The following BMS1 variants were observed in gnomAD, a reference collection of about 807,000 sequenced individuals.
BMS1 encodes the protein BMS1 ribosome biogenesis factor.
Under a neutral mutation model 138.7 loss-of-function variants are expected in BMS1, and 53 were observed. The ratio of observed to expected loss-of-function variants is 0.38; its 90% CI spans 0.31 to 0.48. The LOEUF (loss-of-function observed/expected upper bound fraction) is 0.48, where lower values mean the gene tolerates loss of function less well. Ranked by LOEUF, BMS1 falls within the 20% of genes least tolerant of loss-of-function variation. BMS1 has a pLI of 0.97. For synonymous variants in BMS1, 504 were observed against 539.9 expected, an observed-to-expected ratio of 0.93 and a Z score of 0.92; for missense variants, 1,360 against 1,565.5, an observed-to-expected ratio of 0.87 and a Z score of 2.22.
Position 42,793,016 on chromosome 10 carries a change from G to C in BMS1, c.961G>C (p.Glu321Gln). 6.2e-7 allele frequency: 1 copy of C among 1,613,700 alleles called. No homozygotes were observed. Among genetic ancestry groups the C allele is most frequent in the Non-Finnish European group, 8.5e-7 (1 of 1,179,952 alleles). The change falls in exon 8 of 23, where the codon GAA (glutamate) becomes CAA (glutamine). Residue 321 changes from glutamate to glutamine, a missense_variant. Around this residue, in one of 3 missense-constraint regions of BMS1, gnomAD observed 697 missense variants for 686.2 expected, o/e 1.02. Coordinates refer to ENST00000374518, the MANE Select transcript of BMS1 (RefSeq NM_014753.4). ...SFLPDPCALP[E>Q]QQKKRCLNEK... ...CCTCCCAGACCCTTGCGCTCTTCCT[G>C]AACAACAAAAGAAGCGCTGTTTAAA...
chr10:42,829,259 C>T (rs1409512398), intron 21 of BMS1, among the ~76,000 whole-genome samples: 1 of 151,662 alleles, frequency 6.6e-6, no homozygotes, highest in Non-Finnish European at 1.5e-5. Context: ...TGCAGTGAGC[C>T]GAGATCATGC....
Position 42,796,806 on chromosome 10 carries a change from C to T in BMS1, c.1562C>T (p.Ala521Val). ...GCGGAAGAAGGGGAAGCGGAGGAAG[C>T]TGATGAAAGCAGTGAAGAAGAGGAC... ...SSAEEGEAEE[A>V]DESSEEEDCT... Residue 521 changes from alanine (A) to valine (V), a missense_variant, in exon 10 of 23, where the codon GCT becomes GTT. Coordinates refer to ENST00000374518, the MANE Select transcript of BMS1 (RefSeq NM_014753.4). The T allele has an allele frequency of 6.2e-7, 1 of 1,614,130 alleles. No homozygotes were observed. Among genetic ancestry groups the T allele is most frequent in the African/African-American group, 1.3e-5 (1 of 75,022 alleles).
At chr10:42,811,049 A>G (rs1247770553) in intron 13 of BMS1, among the ~76,000 whole-genome samples, 1 of 149,664 alleles carries the variant, frequency 6.7e-6, no homozygotes, top group African/African-American at 2.5e-5. Flanking sequence ...TATTATTATT[A>G]TTTTTTTTTT....
rs764487805 is a variant in BMS1, at chr10:42,820,531, G to A, written c.2793G>A (p.Trp931Ter). 1 of 1,610,076 alleles carries A rather than the reference G, an allele frequency of 6.2e-7. No homozygotes were observed. The change falls in exon 17 of 23, where the codon TGG becomes TGA. Residue 931 changes from tryptophan (W) to a stop codon, truncating the protein, a stop_gained. Transcript: ENST00000374518. LOFTEE classifies it high-confidence loss of function. ...YVQMRLKKHRWYKKILKSRDP... is the reference protein window; with the variant it reads ...YVQMRLKKHR Reference sequence around the variant, plus strand: ...AGATGCGTCTGAAGAAACATCGCTGGTATAAGAAAATCCTCAAGTCCCGAG... The same window carrying A: ...AGATGCGTCTGAAGAAACATCGCTGATATAAGAAAATCCTCAAGTCCCGAG...
chr10:42,827,785 A>G (rs112882217), intron 21 of BMS1, among the ~76,000 whole-genome samples: 4 of 152,090 alleles, frequency 2.6e-5, no homozygotes, highest in South Asian at 2.1e-4. Context: ...TCATCAAAAT[A>G]TAGTTGTTTG....
At position 42,831,237 on chromosome 10, in the gene BMS1, A is replaced by G; in HGVS notation, c.*141A>G. The stretch of plus-strand genomic sequence containing the variant: ...CTCAAACTGTGCCTGCAGGAGGAGG[A>G]ACAGAGAAGCCTGGGCTGCTGGGAC... On this transcript the variant is annotated 3_prime_UTR_variant, in exon 23 of 23. Coordinates refer to ENST00000374518, the MANE Select transcript of BMS1 (RefSeq NM_014753.4). 1.1e-6 allele frequency: 1 copy of G among 903,090 alleles called. No individual in the cohort carries two copies. The highest frequency in any genetic ancestry group is 1.7e-6 in the Non-Finnish European group (1 of 602,362). The allele number at this position is 903,090 out of a possible 1,614,324, so 55.9% of individuals were successfully genotyped here.
Position 42,831,008 on chromosome 10 carries a change from T to C in BMS1, c.3761T>C (p.Leu1254Pro). 6.2e-7 allele frequency: 1 copy of C among 1,601,088 alleles called. No homozygotes were observed. Among genetic ancestry groups the C allele is most frequent in the Non-Finnish European group, 8.5e-7 (1 of 1,173,154 alleles). The change falls in exon 23 of 23, where the codon CTC (leucine) becomes CCC (proline). Residue 1254 changes from leucine to proline, a missense_variant. By Grantham distance (98) the Leu-to-Pro change is moderately conservative. This residue lies in a region of BMS1 where 425 missense variants were observed against 568.3 expected (regional missense o/e 0.75). Transcript: ENST00000374518. Reference protein sequence around the residue: ...EEEKLKRQKDLRKKLFRIQGQ... With the variant: ...EEEKLKRQKDPRKKLFRIQGQ... Reference sequence around the variant, plus strand: ...GAGAAGCTGAAGCGGCAGAAGGACCTCAGGAAGAAGCTCTTCAGAATTCAG... The same window carrying C: ...GAGAAGCTGAAGCGGCAGAAGGACCCCAGGAAGAAGCTCTTCAGAATTCAG...
chr10:42,832,978 T>G lies in BMS1; in HGVS notation c.*1882T>G, dbSNP rs1224815518. 6.6e-6 allele frequency: 1 copy of G among 152,240 alleles called. No individual in the cohort carries two copies. The allele number at this position is 152,240 out of a possible 1,614,324, so 9.4% of individuals were successfully genotyped here. Reference sequence around the variant, plus strand: ...AAGTCATACCATGTTTTAAGTAGCTTACAAGGTGATCAGCAAGTGTCTTAT... The same window carrying G: ...AAGTCATACCATGTTTTAAGTAGCTGACAAGGTGATCAGCAAGTGTCTTAT... On this transcript the variant is annotated 3_prime_UTR_variant, in exon 23 of 23. Transcript: ENST00000374518.
intron 4 of BMS1, among the ~76,000 whole-genome samples, chr10:42,789,116 A>T (rs1454994015): frequency 6.6e-6 from 1 of 151,554 alleles, no homozygotes; most frequent in Non-Finnish European, 1.5e-5. Context: ...TGTGTAGATT[A>T]GGGGAATAAC....
chr10:42,820,444 A>G lies in BMS1; in HGVS notation c.2769+20A>G, dbSNP rs1842473620. The G allele has an allele frequency of 6.2e-7, 1 of 1,612,620 alleles. No homozygotes were observed. The highest frequency in any genetic ancestry group is 1.1e-5 in the South Asian group (1 of 91,006). ...GTGCAGGTGGGTCCCTTTGCTACAT[A>G]TTTGGTGCCTGAGGCTCTGTGGATT... On this transcript the variant is annotated intron_variant, in intron 16 of 22. Coordinates refer to ENST00000374518, the MANE Select transcript of BMS1 (RefSeq NM_014753.4).
chr10:42,800,700 T>C (rs1841847954), intron 12 of BMS1, among the ~76,000 whole-genome samples: 1 of 152,074 alleles, frequency 6.6e-6, no homozygotes. Context: ...CTAATTTTTT[T>C]GCATTTTTAG....
rs757687824 is a variant in BMS1 at position 42,790,433 on chromosome 10, C to G, written c.558C>G (p.Leu186=). The change falls in exon 5 of 23, where the codon CTC becomes CTG. Residue 186 remains leucine (L), a synonymous_variant. Transcript: ENST00000374518. ...FPKIMGVLTH[L]DSFKHNKQLK... is the part of the protein sequence containing the mutation. ...AAATTATGGGAGTTCTCACCCACCT[C>G]GACTCCTTCAAGCATAATAAGCAAC... The G allele has an allele frequency of 1.2e-6, 2 of 1,613,890 alleles. No homozygotes were observed. The highest frequency in any genetic ancestry group is 3.3e-5 in the Admixed American group (2 of 60,016).
chr10:42,793,239 A>G, intron 8 of BMS1, 95 bp downstream of exon 8: 3 of 1,310,796 alleles, frequency 2.3e-6, no homozygotes, highest in Non-Finnish European at 3.1e-6. Context: ...GCTTTTATTT[A>G]TTGAAGATTT....
chr10:42,829,634 C>T (rs1043044365), intron 21 of BMS1, among the ~76,000 whole-genome samples: 32 of 151,848 alleles, frequency 2.1e-4, no homozygotes, highest in Non-Finnish European at 4.1e-4. Flanking sequence ...CCAGCATGAC[C>T]AACATGGTGA....
Position 42,831,219 on chromosome 10 carries a change from T to G in BMS1, c.*123T>G. On this transcript the variant is annotated 3_prime_UTR_variant, in exon 23 of 23. Coordinates refer to ENST00000374518, the MANE Select transcript of BMS1 (RefSeq NM_014753.4). ...GCTCAAGAGATGTCTCTACTCAAAC[T>G]GTGCCTGCAGGAGGAGGAACAGAGA... The G allele has an allele frequency of 9.5e-7, 1 of 1,054,602 alleles. No individual in the cohort carries two copies. The highest frequency in any genetic ancestry group is 1.4e-6 in the Non-Finnish European group (1 of 738,490). 65.3% of individuals were successfully genotyped at this position (1,054,602 alleles called of 1,614,324 possible). A position where few individuals can be genotyped will look rare whatever the true frequency, so the allele number is the denominator to read the frequency against.
At chr10:42,810,397 G>C (rs1320901987) in intron 13 of BMS1, among the ~76,000 whole-genome samples, 2 of 152,066 alleles carry the variant, frequency 1.3e-5, no homozygotes, top group Non-Finnish European at 2.9e-5. Flanking sequence ...GTACTTTGTT[G>C]AGGACTTTTT....
Position 42,784,350 on chromosome 10 carries a change from T to C in BMS1, c.-33-12T>C. On this transcript the variant is annotated splice_polypyrimidine_tract_variant and intron_variant, in intron 1 of 22. Coordinates refer to ENST00000374518, the MANE Select transcript of BMS1 (RefSeq NM_014753.4). ...TTCTCCCATCTCCTTACCCCAACCT[T>C]CTTCCTTGTAGGTTAGAGTTACTTG... 3 of 1,531,964 alleles carry C rather than the reference T, an allele frequency of 2.0e-6. No homozygotes were observed. Among genetic ancestry groups the C allele is most frequent in the Non-Finnish European group, 1.7e-6 (2 of 1,144,628 alleles). The allele number at this position is 1,531,964 out of a possible 1,614,324, so 94.9% of individuals were successfully genotyped here. A position where few individuals can be genotyped will look rare whatever the true frequency, so the allele number is the denominator to read the frequency against.
chr10:42,793,936 G>C lies in BMS1; in HGVS notation c.1174G>C (p.Val392Leu), dbSNP rs1162146415. The C allele has an allele frequency of 6.2e-7, 1 of 1,611,810 alleles. No homozygotes were observed. Among genetic ancestry groups the C allele is most frequent in the Non-Finnish European group, 8.5e-7 (1 of 1,179,810 alleles). The stretch of plus-strand genomic sequence containing the variant: ...TGATGCCAAGATGGCTTCAAGTCGA[G>C]TGACGCTGTTTTCTGATTCCAAGCC... ...TIDAKMASSRVTLFSDSKPLG... is the reference protein window; with the variant it reads ...TIDAKMASSRLTLFSDSKPLG... Residue 392 changes from valine (V) to leucine (L), a missense_variant, in exon 9 of 23, where the codon GTG becomes CTG. Physicochemically the swap from Val to Leu is conservative, Grantham distance 32. This residue lies in a region of BMS1 where 697 missense variants were observed against 686.2 expected (regional missense o/e 1.02). Coordinates refer to ENST00000374518, the MANE Select transcript of BMS1 (RefSeq NM_014753.4).
At chr10:42,804,699 G>A (rs1841964905) in intron 13 of BMS1, among the ~76,000 whole-genome samples, 2 of 150,792 alleles carry the variant, frequency 1.3e-5, no homozygotes, top group African/African-American at 4.9e-5. Context: ...AAAGTATTTA[G>A]TTCTGGTGTA....
Sources: allele counts gnomAD v4.1 joint callset (sites outside exome capture counted in the v4.1 genomes callset), GRCh38; gene constraint gnomAD v4.1.1; regional missense constraint gnomAD v4.1.1; transcripts MANE v1.5; gene names NCBI Gene and HGNC (gene_info 2026-07-23, HGNC 2026-07-21).